Variants in TM9SF2 observed in about 807,000 individuals in gnomAD.
The protein encoded by TM9SF2 is 76 kDa membrane protein.
TM9SF2 carries 13 observed loss-of-function variants against 84.9 expected under a neutral mutation model. The ratio of observed to expected loss-of-function variants is 0.15; its 90% CI spans 0.10 to 0.24. The LOEUF is 0.24. Among genes scored for constraint, TM9SF2 ranks in the 10% least tolerant of loss-of-function variants. TM9SF2 has a pLI of 1.00. For missense variants in TM9SF2, 562 were observed against 818.5 expected (o/e 0.69, Z 3.82); for synonymous variants, 273 against 285.8 (o/e 0.96, Z 0.45).
At position 99,555,620 on chromosome 13, in the gene TM9SF2, T is replaced by A. The variant is rs1219758134; in HGVS notation, c.1725T>A (p.Leu575=). The A allele has an allele frequency of 6.2e-7, 1 of 1,613,808 alleles. No homozygotes were observed. The highest frequency in any genetic ancestry group is 2.2e-5 in the East Asian group (1 of 44,842). ...LVITCSEATI[L]LCYFHLCAED... is the part of the protein sequence containing the mutation. ...TTACCTGTTCTGAAGCAACTATACT[T>A]CTTTGCTATTTCCACCTATGTGCAG... Residue 575 remains leucine (L), a synonymous_variant, in exon 15 of 17, where the codon CTT becomes CTA. Coordinates refer to ENST00000376387, the MANE Select transcript of TM9SF2 (RefSeq NM_004800.3).
Position 99,501,801 on chromosome 13 carries a change from C to G in TM9SF2, c.171+24C>G, listed in dbSNP as rs368255682. On this transcript the variant is annotated intron_variant, in intron 1 of 16. Coordinates refer to ENST00000376387, the MANE Select transcript of TM9SF2 (RefSeq NM_004800.3). Reference sequence around the variant, plus strand: ...AGGTGGGTGAGGCCTGACGAGCCCTCTGATGCACTGTTGGAAGGGGAAGTC... The same window carrying G: ...AGGTGGGTGAGGCCTGACGAGCCCTGTGATGCACTGTTGGAAGGGGAAGTC... 9 of 1,594,616 alleles carry G rather than the reference C, an allele frequency of 5.6e-6. No individual in the cohort carries two copies. The African/African-American group carries it at 1.2e-4, about 22-fold the overall frequency.
intron 1 of TM9SF2, among the ~76,000 whole-genome samples, chr13:99,509,858 T>C (rs2046105801): frequency 1.3e-5 from 2 of 152,202 alleles, no homozygotes; most frequent in Admixed American, 1.3e-4. Context: ...GAAAAAACTT[T>C]TTTTTTCTTT....
At chr13:99,509,431 C>G (rs983784784) in intron 1 of TM9SF2, among the ~76,000 whole-genome samples, 2 of 152,228 alleles carry the variant, frequency 1.3e-5, no homozygotes, top group African/African-American at 4.8e-5. Flanking sequence ...TACCTGGGCA[C>G]CCAGGTTTTC....
chr13:99,505,588 C>T (rs2046085713), intron 1 of TM9SF2, among the ~76,000 whole-genome samples: 1 of 152,008 alleles, frequency 6.6e-6, no homozygotes, highest in African/African-American at 2.4e-5. Flanking sequence ...TATTCCTTTC[C>T]TGTAGAATTC....
intron 15 of TM9SF2, among the ~76,000 whole-genome samples, chr13:99,557,422 G>A (rs1418811020): frequency 1.3e-5 from 2 of 152,142 alleles, no homozygotes; most frequent in African/African-American, 4.8e-5. Context: ...ATTCTGAATA[G>A]TAGATCTTTA....
At chr13:99,553,698 T>C (rs768403469) in intron 13 of TM9SF2, among the ~76,000 whole-genome samples, 1 of 152,244 alleles carries the variant, frequency 6.6e-6, no homozygotes, top group Non-Finnish European at 1.5e-5. Flanking sequence ...ACATCTGTAC[T>C]GTCTTCCCCC....
At chr13:99,523,569 C>T (rs1007529869) in intron 3 of TM9SF2, among the ~76,000 whole-genome samples, 2 of 152,218 alleles carry the variant, frequency 1.3e-5, no homozygotes, top group South Asian at 2.1e-4. Flanking sequence ...AACAACAGTG[C>T]AAGACATTGT....
intron 1 of TM9SF2, among the ~76,000 whole-genome samples, chr13:99,506,741 A>G (rs556369559): frequency 6.8e-4 from 104 of 152,260 alleles, no homozygotes; most frequent in African/African-American, 2.5e-3. Flanking sequence ...TATATGTTCC[A>G]CACCTCACAC....
chr13:99,509,821 C>T (rs139191176), intron 1 of TM9SF2, among the ~76,000 whole-genome samples: 4 of 152,316 alleles, frequency 2.6e-5, no homozygotes, highest in African/African-American at 9.6e-5. Context: ...ATGCGGTTGC[C>T]CCACAGCCTG....
At chr13:99,530,065 A>AT (rs1479135395) in intron 4 of TM9SF2, among the ~76,000 whole-genome samples, 1 of 150,028 alleles carries the variant, frequency 6.7e-6, no homozygotes, top group African/African-American at 2.5e-5. Context: ...TAATTAAAAA[A>AT]TACATTATTG....
chr13:99,536,848 T>A (rs1480457173), intron 5 of TM9SF2, 111 bp downstream of exon 5: 2 of 1,184,770 alleles, frequency 1.7e-6, no homozygotes, highest in Admixed American at 5.2e-5. Context: ...ACAGTTCAGA[T>A]GTTCTGAAGT....
At chr13:99,522,662 G>T (rs1230957287) in intron 3 of TM9SF2, among the ~76,000 whole-genome samples, 1 of 152,180 alleles carries the variant, frequency 6.6e-6, no homozygotes, top group Non-Finnish European at 1.5e-5. Flanking sequence ...GAAATGATGG[G>T]TGGGAAGAAT....
chr13:99,548,253 C>G (rs1455890262), intron 11 of TM9SF2, among the ~76,000 whole-genome samples: 1 of 152,154 alleles, frequency 6.6e-6, no homozygotes, highest in Non-Finnish European at 1.5e-5. Context: ...TCAGGTCTCC[C>G]AGCTGCAGAT....
intron 10 of TM9SF2, among the ~76,000 whole-genome samples, chr13:99,544,874 AT>A (rs963199245): frequency 9.4e-5 from 14 of 148,626 alleles, no homozygotes; most frequent in East Asian, 3.9e-4. Flanking sequence ...AACTAGGACA[AT>A]TTTTTTTTTT....
At chr13:99,531,010 G>A (rs1427769142) in intron 4 of TM9SF2, among the ~76,000 whole-genome samples, 10 of 151,782 alleles carry the variant, frequency 6.6e-5, no homozygotes, top group African/African-American at 1.9e-4. Flanking sequence ...ACATGTGCCC[G>A]CCACCACACC....
intron 15 of TM9SF2, 147 bp from the exon 16 acceptor site, chr13:99,559,216 A>G (rs2046335356): frequency 1.6e-6 from 1 of 623,706 alleles, no homozygotes; most frequent in African/African-American, 1.9e-5. Context: ...GGAATGGGTG[A>G]AGTTCAATAG....
chr13:99,540,396 T>C (rs917652022), intron 7 of TM9SF2: 4 of 137,104 alleles, frequency 2.9e-5, no homozygotes, highest in Non-Finnish European at 1.6e-5. Context: ...ATTATTTTCT[T>C]AAAAAAAAAA....
chr13:99,553,163 C>T (rs1344178691), intron 13 of TM9SF2, among the ~76,000 whole-genome samples: 1 of 152,216 alleles, frequency 6.6e-6, no homozygotes, highest in Non-Finnish European at 1.5e-5. Flanking sequence ...TCTGTCTCAT[C>T]AGTATCCTTC....
chr13:99,544,445 G>C (rs957465281), intron 10 of TM9SF2, among the ~76,000 whole-genome samples: 1 of 152,122 alleles, frequency 6.6e-6, no homozygotes, highest in Non-Finnish European at 1.5e-5. Flanking sequence ...ACTTGGGGCA[G>C]GTTTAGTTGC....
Sources: allele counts gnomAD v4.1 joint callset (sites outside exome capture counted in the v4.1 genomes callset), GRCh38; gene constraint gnomAD v4.1.1; transcripts MANE v1.5; gene names NCBI Gene and HGNC (gene_info 2026-07-23, HGNC 2026-07-21).